Variants in CDHR2 observed in about 807,000 individuals in gnomAD.
CDHR2 encodes the protein cadherin related family member 2, also known as cadherin-related family member 2.
CDHR2 carries 104 observed loss-of-function variants against 138.6 expected under a neutral mutation model. The ratio of observed to expected loss-of-function variants is 0.75; its 90% CI spans 0.64 to 0.88. CDHR2 has a LOEUF of 0.88. Ranked by LOEUF, CDHR2 falls within the 40% of genes least tolerant of loss-of-function variation. The pLI, the probability that CDHR2 is intolerant of heterozygous loss-of-function variation, is 0.00. For missense variants in CDHR2, 1,624 were observed against 1,727.6 expected (o/e 0.94, Z 1.06); for synonymous variants, 755 against 742.8 (o/e 1.02, Z -0.27).
intron 1 of CDHR2, among the ~76,000 whole-genome samples, chr5:176,560,946 C>T (rs755502630): frequency 5.9e-5 from 9 of 151,798 alleles, no homozygotes; most frequent in Admixed American, 2.0e-4. Flanking sequence ...CCGGGAAGCA[C>T]GTAGCCAGAT....
chr5:176,584,692 A>G lies in CDHR2; in HGVS notation c.2411A>G (p.Asn804Ser). Residue 804 changes from asparagine to serine, a missense_variant, in exon 19 of 32, where the codon AAT becomes AGT. Physicochemically the swap from Asn to Ser is conservative, Grantham distance 46. Transcript: ENST00000261944. Reference sequence around the variant, plus strand: ...GTGAATGTGAAAGACGTGAACGACAATCCCCCCACCCTGGATGTAGCCTCA... The same window carrying G: ...GTGAATGTGAAAGACGTGAACGACAGTCCCCCCACCCTGGATGTAGCCTCA... ...VCVNVKDVND[N>S]PPTLDVASLR... 6.2e-6 allele frequency: 10 copies of G among 1,613,804 alleles called. No individual in the cohort carries two copies. Among genetic ancestry groups the G allele is most frequent in the Non-Finnish European group, 7.6e-6 (9 of 1,179,756 alleles).
chr5:176,584,750 A>G lies in CDHR2; in HGVS notation c.2469A>G (p.Ser823=), dbSNP rs1415196228. 6.2e-7 allele frequency: 1 copy of G among 1,614,178 alleles called. No homozygotes were observed. The highest frequency in any genetic ancestry group is 1.7e-5 in the Admixed American group (1 of 60,032). ...LRGIRVAENG[S]QHGQVAVVVA... is the part of the protein sequence containing the mutation. ...GCATCCGTGTGGCTGAGAATGGCTCACAGCACGGCCAGGTGGCTGTGGTGG... is the reference window on the plus strand; with the variant it reads ...GCATCCGTGTGGCTGAGAATGGCTCGCAGCACGGCCAGGTGGCTGTGGTGG... Residue 823 remains serine (S), a synonymous_variant, in exon 19 of 32, where the codon TCA becomes TCG. Coordinates refer to ENST00000261944, the MANE Select transcript of CDHR2 (RefSeq NM_017675.6).
chr5:176,578,836 A>T (rs1758465392), intron 16 of CDHR2, among the ~76,000 whole-genome samples: 1 of 152,250 alleles, frequency 6.6e-6, no homozygotes, highest in Non-Finnish European at 1.5e-5. Flanking sequence ...GGCCTGCCAG[A>T]GAAATCCCTC....
intron 21 of CDHR2, among the ~76,000 whole-genome samples, chr5:176,588,083 T>C (rs1758710367): frequency 6.6e-6 from 1 of 152,186 alleles, no homozygotes; most frequent in African/African-American, 2.4e-5. Flanking sequence ...TAAAAATGCT[T>C]GTGTCCCCTC....
Position 176,576,734 on chromosome 5 carries a change from G to A in CDHR2, c.1194+549G>A, listed in dbSNP as rs189371546. Among the ~76,000 whole-genome samples the A allele has an allele frequency of 5.3e-3, 810 of 152,170 alleles. 4 individuals carry two copies. Among genetic ancestry groups the A allele is most frequent in the Middle Eastern group, 0.02 (6 of 294 alleles). On this transcript the variant is annotated intron_variant, in intron 12 of 31. Coordinates refer to ENST00000261944, the MANE Select transcript of CDHR2 (RefSeq NM_017675.6). This position sits in a 1 kb window ranked among gnomAD's most constrained non-coding sequence, Gnocchi z 4.5. ...TGTGATTACAGGTGTGCACCACCTC[G>A]CCCAGCTAATTTTTGTGTTTTTAGT...
chr5:176,556,262 A>C (rs575323515), intron 1 of CDHR2, among the ~76,000 whole-genome samples: 38 of 152,174 alleles, frequency 2.5e-4, no homozygotes, highest in African/African-American at 9.2e-4. Flanking sequence ...TCATCACTTT[A>C]GGAGGCCGAG....
chr5:176,591,541 G>GAGA, intron 30 of CDHR2, 57 bp downstream of exon 30: 1 of 1,250,102 alleles, frequency 8.0e-7, no homozygotes, highest in Non-Finnish European at 1.2e-6. Context: ...GGTAGTGACG[G>GAGA]TGGTGGTGGT....
rs1317974334 is a variant in CDHR2, at chr5:176,590,448, C to T, written c.3377C>T (p.Ser1126Leu). Residue 1126 changes from serine (S) to leucine (L), a missense_variant, in exon 27 of 32, where the codon TCG (serine) becomes TTG (leucine). Coordinates refer to ENST00000261944, the MANE Select transcript of CDHR2 (RefSeq NM_017675.6). ...LSVMIRNDQD[S>L]LTQLLQLGLV... is the part of the protein sequence containing the mutation. Reference sequence around the variant, plus strand: ...AGGATGATCCGGAATGATCAGGACTCGCTGACGCAGCTGCTGCAGCTGGGG... The same window carrying T: ...AGGATGATCCGGAATGATCAGGACTTGCTGACGCAGCTGCTGCAGCTGGGG... The T allele has an allele frequency of 6.2e-7, 1 of 1,614,000 alleles. No individual in the cohort carries two copies. The highest frequency in any genetic ancestry group is 8.5e-7 in the Non-Finnish European group (1 of 1,179,958).
At chr5:176,557,056 C>T (rs1293032768) in intron 1 of CDHR2, among the ~76,000 whole-genome samples, 1 of 147,354 alleles carries the variant, frequency 6.8e-6, no homozygotes, top group South Asian at 2.2e-4. Context: ...GCTCTGTTGC[C>T]CAAGGCTGGA....
chr5:176,543,370 C>T lies in CDHR2; in HGVS notation c.-16+601C>T, dbSNP rs981645190. 7.1e-4 allele frequency among the ~76,000 whole-genome samples: 106 copies of T among 149,702 alleles called. No homozygotes were observed. The highest frequency in any genetic ancestry group is 2.5e-3 in the African/African-American group (102 of 41,294). ...CCGCGCGCCGCCTGCCGCGGCCCCT[C>T]TCCGGCCCGGTGCAGGGGAACCGTC... is the stretch of plus-strand genomic sequence containing the variant. On this transcript the variant is annotated intron_variant, in intron 1 of 31. Coordinates refer to the CDHR2 transcript ENST00000510636. The surrounding 1 kb of genome is among the most constrained non-coding windows in gnomAD (Gnocchi z 4.0).
chr5:176,561,417 G>A (rs1325935960), intron 1 of CDHR2, among the ~76,000 whole-genome samples: 1 of 152,142 alleles, frequency 6.6e-6, no homozygotes, highest in African/African-American at 2.4e-5. Flanking sequence ...ACTGGGCTCA[G>A]CCCTGTGCTT....
At chr5:176,568,591 C>A (rs536943624) in intron 3 of CDHR2, 87 bp from the exon 4 acceptor site, 45 of 1,484,468 alleles carry the variant, frequency 3.0e-5, no homozygotes, top group Non-Finnish European at 3.9e-5. Context: ...GGCAGCCAGG[C>A]GCCCAGCCCA....
At chr5:176,594,079 AC>A (rs1758956206) in intron 31 of CDHR2, among the ~76,000 whole-genome samples, 1 of 151,912 alleles carries the variant, frequency 6.6e-6, no homozygotes, top group African/African-American at 2.4e-5. Context: ...GGAGTTAAGG[AC>A]CCCCTGAGGT....
Position 176,581,445 on chromosome 5 carries a change from C to A in CDHR2, c.1921C>A (p.Leu641Ile). 3 of 1,614,198 alleles carry A rather than the reference C, an allele frequency of 1.9e-6. No homozygotes were observed. Among genetic ancestry groups the A allele is most frequent in the Non-Finnish European group, 2.5e-6 (3 of 1,180,044 alleles). Reference protein sequence around the residue: ...HNFSLDPDTGLLRNLGPLDRE... With the variant: ...HNFSLDPDTGILRNLGPLDRE... ...CTTCTCCTTGGACCCTGACACAGGG[C>A]TCCTCAGAAACCTGGGGCCCCTGGA... Residue 641 changes from leucine (L) to isoleucine (I), a missense_variant, in exon 17 of 32, where the codon CTC (leucine) becomes ATC (isoleucine). Coordinates refer to ENST00000261944, the MANE Select transcript of CDHR2 (RefSeq NM_017675.6).
chr5:176,556,494 G>A (rs556662545), intron 1 of CDHR2, among the ~76,000 whole-genome samples: 3 of 152,288 alleles, frequency 2.0e-5, no homozygotes, highest in East Asian at 3.9e-4. Context: ...GTGAAACCCA[G>A]TCTCTACTAA....
At chr5:176,581,663 C>T (rs1211483080) in intron 17 of CDHR2, 81 bp downstream of exon 17, 81 of 1,543,550 alleles carry the variant, frequency 5.2e-5, no homozygotes, top group Non-Finnish European at 6.9e-5. Context: ...CACACTTCTG[C>T]CCTCTGCAGC....
intron 21 of CDHR2, among the ~76,000 whole-genome samples, chr5:176,588,591 G>C (rs1561880953): frequency 2.2e-5 from 3 of 137,092 alleles, no homozygotes; most frequent in Admixed American, 1.4e-4. Context: ...GTGAGGGTGT[G>C]TATGAGTGTG....
Position 176,578,034 on chromosome 5 carries a change from G to T in CDHR2, c.1513G>T (p.Ala505Ser). The change falls in exon 15 of 32, where the codon GCC becomes TCC. Residue 505 changes from alanine (A) to serine (S), a missense_variant and splice_region_variant. Transcript: ENST00000261944. ...TGSVVTDSIH[A>S]TDPDTGAWGQ... ...ACCCTGCCATGTCTCTGCCTCACAG[G>T]CCACGGACCCAGACACGGGCGCGTG... 1 of 1,610,730 alleles carries T rather than the reference G, an allele frequency of 6.2e-7. No homozygotes were observed. Among genetic ancestry groups the T allele is most frequent in the Non-Finnish European group, 8.5e-7 (1 of 1,177,702 alleles).
rs1757759223 is a variant in CDHR2 at position 176,553,657 on chromosome 5, A to C, written c.-16+4243A>C. ...CATCCAGCCCCTGGCTGTTCCTTACACAATGGACACCTGCAGTCTAGCAGT... is the reference window on the plus strand; with the variant it reads ...CATCCAGCCCCTGGCTGTTCCTTACCCAATGGACACCTGCAGTCTAGCAGT... On this transcript the variant is annotated intron_variant, in intron 1 of 31. Transcript: ENST00000261944. This position sits in a 1 kb window ranked among gnomAD's most constrained non-coding sequence, Gnocchi z 4.3. Among the ~76,000 whole-genome samples the C allele has an allele frequency of 6.6e-6, 1 of 152,086 alleles. No homozygotes were observed.
Sources: allele counts gnomAD v4.1 joint callset (sites outside exome capture counted in the v4.1 genomes callset), GRCh38; gene constraint gnomAD v4.1.1; non-coding constraint Gnocchi (gnomAD v3.1); transcripts MANE v1.5; gene names NCBI Gene and HGNC (gene_info 2026-07-23, HGNC 2026-07-21).